SLC35F3: variants seen among roughly 807,000 people sequenced by gnomAD.
The protein encoded by SLC35F3 is putative thiamine transporter SLC35F3.
Under a neutral mutation model 49.9 loss-of-function variants are expected in SLC35F3, and 25 were observed. The ratio of observed to expected loss-of-function variants is 0.50; its 90% confidence interval spans 0.37 to 0.70. The LOEUF is 0.70. Ranked by LOEUF, SLC35F3 falls within the 30% of genes least tolerant of loss-of-function variation. SLC35F3 has a pLI of 0.00. For missense variants in SLC35F3, 525 were observed against 639.8 expected (o/e 0.82, Z 1.94); for synonymous variants, 275 against 265.4 (o/e 1.04, Z -0.35).
intron 2 of SLC35F3, among the ~76,000 whole-genome samples, chr1:234,061,253 C>T (rs948683553): frequency 5.3e-5 from 8 of 151,998 alleles, no homozygotes; most frequent in Non-Finnish European, 1.0e-4. Flanking sequence ...GTAGGATTCT[C>T]TGTTGACAGG....
intron 2 of SLC35F3, among the ~76,000 whole-genome samples, chr1:234,084,882 G>T (rs1194853673): frequency 6.6e-6 from 1 of 152,180 alleles, no homozygotes; most frequent in African/African-American, 2.4e-5. Flanking sequence ...ACTATTAGAA[G>T]GACTGAGGGG....
chr1:234,031,066 G>C (rs566965543), intron 2 of SLC35F3, among the ~76,000 whole-genome samples: 40 of 152,330 alleles, frequency 2.6e-4, no homozygotes, highest in African/African-American at 9.1e-4. Context: ...AAGACTTATA[G>C]AAGAGTTTGC....
intron 4 of SLC35F3, among the ~76,000 whole-genome samples, chr1:234,312,247 C>T (rs567020029): frequency 2.1e-4 from 32 of 152,192 alleles, no homozygotes; most frequent in African/African-American, 7.5e-4. Flanking sequence ...TCCGATTGTT[C>T]AGGGCTGTTC....
chr1:234,134,001 G>A (rs1665770867), intron 2 of SLC35F3, among the ~76,000 whole-genome samples: 2 of 152,148 alleles, frequency 1.3e-5, no homozygotes, highest in Non-Finnish European at 2.9e-5. Context: ...ATGGGGTAGA[G>A]CCAAAATAAT....
At chr1:234,110,899 A>T (rs1558232433) in intron 2 of SLC35F3, among the ~76,000 whole-genome samples, 1 of 152,252 alleles carries the variant, frequency 6.6e-6, no homozygotes, top group African/African-American at 2.4e-5. Flanking sequence ...GTTAAGGTGG[A>T]TCCACATTAT....
chr1:233,947,190 G>A (rs956028523), intron 2 of SLC35F3, among the ~76,000 whole-genome samples: 1 of 152,098 alleles, frequency 6.6e-6, no homozygotes, highest in Non-Finnish European at 1.5e-5. Context: ...AACCCACTGG[G>A]CTAAAAAGAA....
intron 2 of SLC35F3, among the ~76,000 whole-genome samples, chr1:234,188,583 G>A (rs776785479): frequency 2.6e-5 from 4 of 151,996 alleles, no homozygotes; most frequent in Non-Finnish European, 4.4e-5. Context: ...ATGCCTAGCC[G>A]TGCCCCCACC....
rs1195553676 is a variant in SLC35F3 at position 234,058,800 on chromosome 1, T to TG, written c.283+153042_283+153043insG. Among the ~76,000 whole-genome samples, 226 of 151,724 alleles carry TG rather than the reference T, an allele frequency of 1.5e-3. 2 individuals are homozygous for TG. Among genetic ancestry groups the TG allele is most frequent in the African/African-American group, 5.4e-3 (220 of 40,996 alleles). On this transcript the variant is annotated intron_variant, in intron 2 of 7. Transcript: ENST00000366618. ...GATTTGAGAAGTGTTCCTCATTTTTTTGGGTTTTTTTTGGTTTATTGTTTG... is the reference window on the plus strand; with the variant it reads ...GATTTGAGAAGTGTTCCTCATTTTTTGTGGGTTTTTTTTGGTTTATTGTTTG...
rs1394820941 is a variant in SLC35F3, at chr1:234,231,073, C to T, written c.284-344C>T. Among the ~76,000 whole-genome samples, 1 of 152,166 alleles carries T rather than the reference C, an allele frequency of 6.6e-6. No individual in the cohort carries two copies. The highest frequency in any genetic ancestry group is 1.5e-5 in the Non-Finnish European group (1 of 68,030). On this transcript the variant is annotated intron_variant, in intron 2 of 7. Transcript: ENST00000366618. The surrounding 1 kb of genome is among the most constrained non-coding windows in gnomAD (Gnocchi z 5.4). ...TGTTCTGGAGGAGTGTTTCCCAAAGCACGCAGATCACCTGAGGAATGCAGG... is the reference window on the plus strand; with the variant it reads ...TGTTCTGGAGGAGTGTTTCCCAAAGTACGCAGATCACCTGAGGAATGCAGG...
rs72751793 is a variant in SLC35F3 at position 233,912,510 on chromosome 1, A to C, written c.283+6752A>C. On this transcript the variant is annotated intron_variant, in intron 2 of 7. Transcript: ENST00000366618. ...ACAAACAAAGAAACAAACAAACAAA[A>C]AAAACGAAAAGGAGATAATAGAACT... 2.9e-3 allele frequency among the ~76,000 whole-genome samples: 351 copies of C among 121,106 alleles called. 1 individual carries two copies. Among genetic ancestry groups the C allele is most frequent in the Middle Eastern group, 0.028 (7 of 250 alleles). 79.5% of individuals were successfully genotyped at this position (121,106 alleles called of 152,430 possible). A position where few individuals can be genotyped will look rare whatever the true frequency, so the allele number is the denominator to read the frequency against.
At chr1:234,102,224 A>G (rs534734130) in intron 2 of SLC35F3, among the ~76,000 whole-genome samples, 1 of 152,358 alleles carries the variant, frequency 6.6e-6, no homozygotes, top group East Asian at 1.9e-4. Context: ...TGATAAAAGC[A>G]AAAGCTTGAG....
chr1:234,092,531 A>G, intron 2 of SLC35F3, among the ~76,000 whole-genome samples: 1 of 152,216 alleles, frequency 6.6e-6, no homozygotes, highest in Non-Finnish European at 1.5e-5. Flanking sequence ...CTGAGGCTAC[A>G]GACCTGTCAT....
intron 2 of SLC35F3, among the ~76,000 whole-genome samples, chr1:234,022,977 C>G (rs1663920664): frequency 6.6e-6 from 1 of 152,106 alleles, no homozygotes; most frequent in Non-Finnish European, 1.5e-5. Context: ...TACAGCAGTA[C>G]AGTAAGGGGC....
rs111750109 is a variant in SLC35F3, at chr1:234,049,214, T to C, written c.283+143456T>C. Among the ~76,000 whole-genome samples the C allele has an allele frequency of 1.7e-3, 253 of 152,236 alleles. 1 individual carries two copies. The highest frequency in any genetic ancestry group is 6.8e-3 in the Middle Eastern group (2 of 294). On this transcript the variant is annotated intron_variant, in intron 2 of 7. Transcript: ENST00000366618. ...GGGGTGGAATATCCTGGACTGAATA[T>C]TTGTACCCCCCACCCCAATACATAT...
chr1:233,923,098 T>C (rs1362505597), intron 2 of SLC35F3, among the ~76,000 whole-genome samples: 1 of 152,204 alleles, frequency 6.6e-6, no homozygotes, highest in Non-Finnish European at 1.5e-5. Flanking sequence ...TCCAGGTTTG[T>C]TCTTTTGGCT....
chr1:234,258,269 G>A (rs759726380), intron 3 of SLC35F3, among the ~76,000 whole-genome samples: 3 of 152,216 alleles, frequency 2.0e-5, no homozygotes, highest in Admixed American at 1.3e-4. Flanking sequence ...GTTCCTGGGC[G>A]GGAGTTCACA....
rs1252161104 is a variant in SLC35F3, at chr1:234,027,267, G to A, written c.283+121509G>A. ...GGGCCACAGAGGGCAGTGGCAGCTG[G>A]GTGCTGAGATGGGAAGCTGTGGACT... On this transcript the variant is annotated intron_variant, in intron 2 of 7. Transcript: ENST00000366618. This position sits in a 1 kb window ranked among gnomAD's most constrained non-coding sequence, Gnocchi z 4.1. The A allele has an allele frequency of 6.5e-6, 1 of 154,784 alleles. No individual in the cohort carries two copies. The highest frequency in any genetic ancestry group is 1.5e-5 in the Non-Finnish European group (1 of 68,482). 9.6% of individuals were successfully genotyped at this position (154,784 alleles called of 1,614,324 possible). A position where few individuals can be genotyped will look rare whatever the true frequency, so the allele number is the denominator to read the frequency against.
chr1:234,094,828 A>G (rs1665094401), intron 2 of SLC35F3, among the ~76,000 whole-genome samples: 1 of 152,188 alleles, frequency 6.6e-6, no homozygotes, highest in Non-Finnish European at 1.5e-5. Flanking sequence ...ATGGCTTAAA[A>G]TGGCAGGAGA....
At chr1:233,928,075 C>A (rs112727357) in intron 2 of SLC35F3, among the ~76,000 whole-genome samples, 4,410 of 152,042 alleles carry the variant, frequency 0.029, 193 homozygotes, top group African/African-American at 0.1. Flanking sequence ...CTCTGATAAA[C>A]CCTTCCAACT....
Sources: allele counts gnomAD v4.1 joint callset (sites outside exome capture counted in the v4.1 genomes callset), GRCh38; gene constraint gnomAD v4.1.1; non-coding constraint Gnocchi (gnomAD v3.1); transcripts MANE v1.5; gene names NCBI Gene and HGNC (gene_info 2026-07-23, HGNC 2026-07-21).